Variants in DRD4 observed in about 807,000 individuals in gnomAD.
The protein encoded by DRD4 is dopamine receptor D4.
A neutral mutation model predicts 22.1 loss-of-function variants in DRD4; 26 were observed. That is an observed-to-expected ratio of 1.17 (90% CI 0.86 to 1.63). The LOEUF is 1.63. Ranked by LOEUF, DRD4 falls within the 40% of genes most tolerant of loss-of-function variation. The pLI, the probability that DRD4 is intolerant of heterozygous loss-of-function variation, is 0.00. For missense variants in DRD4, 913 were observed against 632.4 expected, an observed-to-expected ratio of 1.44 and a Z score of -4.76; for synonymous variants, 455 against 306.7, an observed-to-expected ratio of 1.48 and a Z score of -5.05.
chr11:639,623 G>A (rs1365356585), intron 2 of DRD4, 25 bp from the exon 3 acceptor site: 5 of 1,406,962 alleles, frequency 3.6e-6, no homozygotes, highest in Admixed American at 5.4e-5. Flanking sequence ...TGCGCTGTCC[G>A]GCGCCCCCTC....
chr11:639,578 C>G (rs559197345), intron 2 of DRD4, 33 bp downstream of exon 2: 1 of 1,335,838 alleles, frequency 7.5e-7, no homozygotes, highest in Admixed American at 3.8e-5. Flanking sequence ...GCCCCGGCGC[C>G]CCCGCGCCCC....
chr11:639,827 T>C lies in DRD4; in HGVS notation c.578T>C (p.Val193Ala). The part of the protein sequence containing the change: ...AVCRLEDRDY[V>A]VYSSVCSFFL... ...TGCCGCCTGGAGGACCGCGACTACG[T>C]GGTCTACTCGTCCGTGTGCTCCTTC... The change falls in exon 3 of 4, where the codon GTG (valine) becomes GCG (alanine). Residue 193 changes from valine to alanine, a missense_variant. Transcript: ENST00000176183. 6.3e-7 allele frequency: 1 copy of C among 1,584,836 alleles called. No individual in the cohort carries two copies. The highest frequency in any genetic ancestry group is 8.5e-7 in the Non-Finnish European group (1 of 1,173,322).
At chr11:637,619 T>C (rs1858093703) in intron 1 of DRD4, 30 bp downstream of exon 1, 2 of 1,539,222 alleles carry the variant, frequency 1.3e-6, no homozygotes, top group Non-Finnish European at 8.7e-7. Flanking sequence ...ACGAGCATCC[T>C]CACCTGCTCC....
At position 639,830 on chromosome 11, in the gene DRD4, T is replaced by G. The variant is rs1800443; in HGVS notation, c.581T>G (p.Val194Gly). 2.9e-3 allele frequency: 4,660 copies of G among 1,585,222 alleles called. 107 individuals carry two copies. The African/African-American group carries it at 0.053, about 18-fold the overall frequency. The part of the protein sequence containing the change: ...VCRLEDRDYV[V>G]YSSVCSFFLP... ...CGCCTGGAGGACCGCGACTACGTGG[T>G]CTACTCGTCCGTGTGCTCCTTCTTC... Residue 194 changes from valine to glycine, a missense_variant, in exon 3 of 4, where the codon GTC (valine) becomes GGC (glycine). Physicochemically the swap from Val to Gly is moderately radical, Grantham distance 109 (BLOSUM62 -3). Coordinates refer to ENST00000176183, the MANE Select transcript of DRD4 (RefSeq NM_000797.4).
chr11:639,379 C>A, intron 1 of DRD4, 54 bp from the exon 2 acceptor site: 1 of 1,486,996 alleles, frequency 6.7e-7, no homozygotes, highest in Non-Finnish European at 9.1e-7. Flanking sequence ...GGGGGCGGGT[C>A]ACAAGGGCCC....
At chr11:638,479 T>G (rs1178234114) in intron 1 of DRD4, among the ~76,000 whole-genome samples, 1 of 152,098 alleles carries the variant, frequency 6.6e-6, no homozygotes, top group Non-Finnish European at 1.5e-5. Flanking sequence ...GGCTGCCTGC[T>G]CCTTTGCCCT....
chr11:637,443 G>A lies in DRD4; in HGVS notation c.139G>A (p.Ala47Thr), dbSNP rs374359731. The change falls in exon 1 of 4, where the codon GCG becomes ACG. Residue 47 changes from alanine (A) to threonine (T), a missense_variant. Coordinates refer to ENST00000176183, the MANE Select transcript of DRD4 (RefSeq NM_000797.4). ...ALVGGVLLIG[A>T]VLAGNSLVCV... Reference sequence around the variant, plus strand: ...GGTGGGGGGCGTGCTGCTCATCGGCGCGGTGCTCGCGGGGAACTCGCTCGT... The same window carrying A: ...GGTGGGGGGCGTGCTGCTCATCGGCACGGTGCTCGCGGGGAACTCGCTCGT... 5.2e-5 allele frequency: 79 copies of A among 1,532,910 alleles called. No homozygotes were observed. Among genetic ancestry groups the A allele is most frequent in the Non-Finnish European group, 6.5e-5 (75 of 1,145,606 alleles). The allele number at this position is 1,532,910 out of a possible 1,614,324, so 95.0% of individuals were successfully genotyped here.
Position 640,275 on chromosome 11 carries a change from C to G in DRD4, c.1026C>G (p.Arg342=), listed in dbSNP as rs958733560. ...GTGCCAAGATCACCGGCCGGGAGCG[C>G]AAGGCCATGAGGGTCCTGCCGGTGG... The part of the protein sequence containing the change: ...RRRAKITGRE[R]KAMRVLPVVV... The change falls in exon 3 of 4, where the codon CGC becomes CGG. Residue 342 remains arginine (R), a synonymous_variant. Coordinates refer to ENST00000176183, the MANE Select transcript of DRD4 (RefSeq NM_000797.4). 2.6e-6 allele frequency: 4 copies of G among 1,534,338 alleles called. No homozygotes were observed. The highest frequency in any genetic ancestry group is 3.5e-6 in the Non-Finnish European group (4 of 1,147,102).
At chr11:639,398 T>G (rs1242411189) in intron 1 of DRD4, 35 bp from the exon 2 acceptor site, 3 of 1,553,854 alleles carry the variant, frequency 1.9e-6, no homozygotes, top group African/African-American at 1.4e-5. Context: ...CCGCGGTGGC[T>G]GGGAAACCTC....
At chr11:639,330 C>G in intron 1 of DRD4, 103 bp from the exon 2 acceptor site, 1 of 1,115,086 alleles carries the variant, frequency 9.0e-7, no homozygotes, top group Non-Finnish European at 1.3e-6. Flanking sequence ...CAGCCGGGCC[C>G]CCTTCTCCGT....
In DRD4 at chr11:639,840, C is replaced by T. The variant is rs1348295499; in HGVS notation, c.591C>T (p.Ser197=). Reference sequence around the variant, plus strand: ...ACCGCGACTACGTGGTCTACTCGTCCGTGTGCTCCTTCTTCCTACCCTGCC... The same window carrying T: ...ACCGCGACTACGTGGTCTACTCGTCTGTGTGCTCCTTCTTCCTACCCTGCC... The part of the protein sequence containing the change: ...LEDRDYVVYS[S]VCSFFLPCPL... The change falls in exon 3 of 4, where the codon TCC becomes TCT. Residue 197 remains serine (S), a synonymous_variant. Transcript: ENST00000176183. 6.3e-6 allele frequency: 10 copies of T among 1,578,876 alleles called. No individual in the cohort carries two copies. The highest frequency in any genetic ancestry group is 1.7e-5 in the Admixed American group (1 of 58,810).
chr11:637,625 G>A (rs1419534568), intron 1 of DRD4, 36 bp downstream of exon 1: 1 of 1,537,956 alleles, frequency 6.5e-7, no homozygotes, highest in Non-Finnish European at 8.7e-7. Context: ...ATCCTCACCT[G>A]CTCCTCGGTT....
In DRD4 at chr11:638,421, C is replaced by T. The variant is rs572563795; in HGVS notation, c.285+832C>T. On this transcript the variant is annotated intron_variant, in intron 1 of 3. Coordinates refer to ENST00000176183, the MANE Select transcript of DRD4 (RefSeq NM_000797.4). ...TTTCGAGCCGCAGACGTCACAGTGACGACGTTTAAGCTCCTAATCTCCCCA... is the reference window on the plus strand; with the variant it reads ...TTTCGAGCCGCAGACGTCACAGTGATGACGTTTAAGCTCCTAATCTCCCCA... Among the ~76,000 whole-genome samples the T allele has an allele frequency of 3.9e-5, 6 of 152,304 alleles. No homozygotes were observed. The South Asian group carries it at 8.3e-4, about 21-fold the overall frequency.
Position 640,013 on chromosome 11 carries a change from AGGACCCCTGCGGCCCCGACTGTG to A in DRD4, c.765_787del (p.Gln255HisfsTer187). ...ACGCCACCCGCGCCCCGCCTCCCCC[AGGACCCCTGCGGCCCCGACTGTG>A]CGCCCCCCGCGCCCGGCCTTCCCCG... On this transcript the variant is annotated frameshift_variant, in exon 3 of 4. Transcript: ENST00000176183. LOFTEE classifies it high-confidence loss of function. 1 of 988,068 alleles carries A rather than the reference AGGACCCCTGCGGCCCCGACTGTG, an allele frequency of 1.0e-6. No homozygotes were observed. The allele number at this position is 988,068 out of a possible 1,614,324, so 61.2% of individuals were successfully genotyped here. A position where few individuals can be genotyped will look rare whatever the true frequency, so the allele number is the denominator to read the frequency against.
chr11:639,911 G>A lies in DRD4; in HGVS notation c.662G>A (p.Arg221His), dbSNP rs138691183. Residue 221 changes from arginine to histidine, a missense_variant, in exon 3 of 4, where the codon CGC becomes CAC. By Grantham distance (29) the Arg-to-His change is conservative (BLOSUM62 0). Transcript: ENST00000176183. Reference sequence around the variant, plus strand: ...TGGGCCACGTTCCGCGGCCTGCAGCGCTGGGAGGTGGCACGTCGCGCCAAG... The same window carrying A: ...TGGGCCACGTTCCGCGGCCTGCAGCACTGGGAGGTGGCACGTCGCGCCAAG... ...LYWATFRGLQ[R>H]WEVARRAKLH... 3.9e-6 allele frequency: 6 copies of A among 1,556,494 alleles called. No individual in the cohort carries two copies. The highest frequency in any genetic ancestry group is 1.4e-5 in the African/African-American group (1 of 70,818).
In DRD4 at chr11:639,466, C is replaced by T. The variant is rs752441455; in HGVS notation, c.319C>T (p.Leu107=). The stretch of plus-strand genomic sequence containing the variant: ...TGGCGCGTGGCTGCTGAGCCCCCGC[C>T]TGTGCGACGCCCTCATGGCCATGGA... ...QGGAWLLSPR[L]CDALMAMDVM... is the part of the protein sequence containing the mutation. The change falls in exon 2 of 4, where the codon CTG becomes TTG. Residue 107 remains leucine (L), a synonymous_variant. Coordinates refer to ENST00000176183, the MANE Select transcript of DRD4 (RefSeq NM_000797.4). The T allele has an allele frequency of 2.5e-6, 4 of 1,601,710 alleles. No homozygotes were observed. Among genetic ancestry groups the T allele is most frequent in the Non-Finnish European group, 3.4e-6 (4 of 1,178,798 alleles).
chr11:638,140 G>A (rs1023678567), intron 1 of DRD4, among the ~76,000 whole-genome samples: 2 of 152,174 alleles, frequency 1.3e-5, no homozygotes, highest in Non-Finnish European at 2.9e-5. Context: ...CCAGGCCCCT[G>A]CTGAGAACCC....
Position 639,791 on chromosome 11 carries a change from A to C in DRD4, c.542A>C (p.Asp181Ala), listed in dbSNP as rs776603191. Residue 181 changes from aspartate (D) to alanine (A), a missense_variant, in exon 3 of 4, where the codon GAC becomes GCC. By Grantham distance (126) the Asp-to-Ala change is moderately radical (BLOSUM62 -2). Transcript: ENST00000176183. ...GGCCTCAACGACGTGCGCGGCCGCG[A>C]CCCCGCCGTGTGCCGCCTGGAGGAC... is the stretch of plus-strand genomic sequence containing the variant. ...LCGLNDVRGR[D>A]PAVCRLEDRD... The C allele has an allele frequency of 1.3e-6, 2 of 1,578,378 alleles. No homozygotes were observed. Among genetic ancestry groups the C allele is most frequent in the Non-Finnish European group, 8.5e-7 (1 of 1,170,974 alleles).
chr11:637,954 C>CAT, intron 1 of DRD4, among the ~76,000 whole-genome samples: 1 of 151,360 alleles, frequency 6.6e-6, no homozygotes, highest in East Asian at 2.0e-4. Flanking sequence ...GACAGACAGG[C>CAT]AGATGCAGGC....
Sources: gnomAD v4.1 joint callset for allele counts (sites outside exome capture counted in the v4.1 genomes callset) on GRCh38, gnomAD v4.1.1 for gene constraint, MANE v1.5 for transcripts, NCBI Gene and HGNC (gene_info 2026-07-23, HGNC 2026-07-21) for gene names.